EPB42: variants seen among roughly 807,000 people sequenced by gnomAD.
EPB42 encodes the protein erythrocyte membrane protein band 4.2, also known as protein 4.2.
A neutral mutation model predicts 76.9 loss-of-function variants in EPB42; 49 were observed. The observed-to-expected ratio is 0.64, with a 90% CI of 0.51 to 0.81. The LOEUF is 0.81. EPB42 is among the 30% of genes least tolerant of loss of function. The probability of loss-of-function intolerance (pLI) is 0.00; values close to 1 mark genes in which losing one functional copy is unlikely to be tolerated. For synonymous variants in EPB42, 310 were observed against 338.4 expected (o/e 0.92, Z 0.92); for missense variants, 731 against 867.6 (o/e 0.84, Z 1.98).
In EPB42 at chr15:43,208,340, G is replaced by A; in HGVS notation, c.972-7C>T. On this transcript the variant is annotated splice_polypyrimidine_tract_variant and splice_region_variant and intron_variant, in intron 7 of 12. Transcript: ENST00000441366. ...TGTGGAAGTCTGGAAGATCCTGAAT[G>A]CAGCAAAGAGAAAAATTCAAGTGGG... is the stretch of plus-strand genomic sequence containing the variant. 6.2e-7 allele frequency: 1 copy of A among 1,613,520 alleles called. No homozygotes were observed. Among genetic ancestry groups the A allele is most frequent in the African/African-American group, 1.3e-5 (1 of 75,046 alleles).
chr15:43,202,964 C>T (rs1393996041), intron 11 of EPB42, 151 bp downstream of exon 11: 5 of 1,004,242 alleles, frequency 5.0e-6, no homozygotes, highest in Non-Finnish European at 6.2e-6. Context: ...ATGTAAGAAA[C>T]TATGTCTTTC....
chr15:43,207,839 G>A (rs1026859649), intron 8 of EPB42, among the ~76,000 whole-genome samples: 1 of 152,120 alleles, frequency 6.6e-6, no homozygotes, highest in Admixed American at 6.6e-5. Context: ...TCTTTTTGTG[G>A]GTCCTGAAGC....
At chr15:43,202,492 C>T (rs2042141230) in intron 11 of EPB42, among the ~76,000 whole-genome samples, 1 of 152,236 alleles carries the variant, frequency 6.6e-6, no homozygotes, top group African/African-American at 2.4e-5. Flanking sequence ...AAGGTCATCC[C>T]CAAACCCACC....
At chr15:43,212,509 T>C (rs1308690696) in intron 3 of EPB42, among the ~76,000 whole-genome samples, 1 of 152,130 alleles carries the variant, frequency 6.6e-6, no homozygotes, top group African/African-American at 2.4e-5. Context: ...CAAATTCAAT[T>C]TGTGACCAAA....
At chr15:43,221,120 C>G, upstream of EPB42, 11 of 419,678 alleles carry the variant, frequency 2.6e-5, no homozygotes, top group East Asian at 1.1e-4. Flanking sequence ...CCTGGCAGCC[C>G]TGGGGGAGGG....
Position 43,206,411 on chromosome 15 carries a change from C to T in EPB42, c.1537G>A (p.Val513Ile), listed in dbSNP as rs2042205394. The change falls in exon 10 of 13, where the codon GTC becomes ATC. Residue 513 changes from valine (V) to isoleucine (I), a missense_variant. Coordinates refer to ENST00000441366, the MANE Select transcript of EPB42 (RefSeq NM_001114134.2). This position sits in a 1 kb window ranked among gnomAD's most constrained non-coding sequence, Gnocchi z 4.7. ...ACACCGTTGTAGTGTACAGCCTGGA[C>T]CCCAATTGCCAGCTGCACTGCCTTC... ...QEKAVQLAIG[V>I]QAVHYNGVLA... The T allele has an allele frequency of 1.2e-6, 2 of 1,614,172 alleles. No individual in the cohort carries two copies. Among genetic ancestry groups the T allele is most frequent in the Non-Finnish European group, 8.5e-7 (1 of 1,180,030 alleles).
In EPB42 at chr15:43,206,556, G is replaced by A; in HGVS notation, c.1392C>T (p.Ile464=). The change falls in exon 10 of 13, where the codon ATC becomes ATT. Residue 464 remains isoleucine (I), a synonymous_variant. Transcript: ENST00000441366. This position sits in a 1 kb window ranked among gnomAD's most constrained non-coding sequence, Gnocchi z 4.7. ...EKMEREKDNG[I]RPPSLETASP... ...TGGCAGTCTCGAGACTGGGAGGACG[G>A]ATGCCGTTGTCTTTCTCACGTTCCA... 1 of 1,614,216 alleles carries A rather than the reference G, an allele frequency of 6.2e-7. No homozygotes were observed. Among genetic ancestry groups the A allele is most frequent in the Non-Finnish European group, 8.5e-7 (1 of 1,180,032 alleles).
chr15:43,222,808 G>A (rs2042474051), upstream of EPB42, among the ~76,000 whole-genome samples: 1 of 152,234 alleles, frequency 6.6e-6, no homozygotes, highest in Admixed American at 6.5e-5. Flanking sequence ...TCAAAATACA[G>A]TTGGCTTCCT....
Position 43,206,730 on chromosome 15 carries a change from T to A in EPB42, c.1319-101A>T. 7.0e-7 allele frequency: 1 copy of A among 1,424,704 alleles called. No individual in the cohort carries two copies. Among genetic ancestry groups the A allele is most frequent in the African/African-American group, 1.4e-5 (1 of 71,356 alleles). The allele number at this position is 1,424,704 out of a possible 1,614,324, so 88.3% of individuals were successfully genotyped here. ...AACCATTTACCCACTTCTGCTCAAA[T>A]GCCAAAGTCACAAGAACTCAGCAAG... On this transcript the variant is annotated intron_variant, in intron 9 of 12. Coordinates refer to ENST00000441366, the MANE Select transcript of EPB42 (RefSeq NM_001114134.2). This position sits in a 1 kb window ranked among gnomAD's most constrained non-coding sequence, Gnocchi z 4.7.
At chr15:43,215,541 C>T (rs2042365505) in intron 2 of EPB42, among the ~76,000 whole-genome samples, 1 of 152,146 alleles carries the variant, frequency 6.6e-6, no homozygotes, top group Admixed American at 6.6e-5. Context: ...ATAAAATGGG[C>T]ATTGTAATAG....
upstream of EPB42, among the ~76,000 whole-genome samples, chr15:43,221,790 C>T (rs1344521908): frequency 1.5e-5 from 2 of 131,264 alleles, no homozygotes; most frequent in African/African-American, 3.0e-5. Context: ...AAACTTTGAA[C>T]TTTTGAACTC....
At chr15:43,202,649 C>A (rs1044145335) in intron 11 of EPB42, among the ~76,000 whole-genome samples, 1 of 152,166 alleles carries the variant, frequency 6.6e-6, no homozygotes, top group African/African-American at 2.4e-5. Flanking sequence ...TCATTTTGGC[C>A]AGGGTAGACA....
At chr15:43,215,049 G>T in intron 3 of EPB42, 46 bp downstream of exon 3, 3 of 1,538,086 alleles carry the variant, frequency 2.0e-6, no homozygotes, top group Non-Finnish European at 2.7e-6. Flanking sequence ...CAGCTCCAGT[G>T]TCTGGAGTCT....
chr15:43,205,864 G>C (rs1211042391), intron 10 of EPB42: 2 of 156,604 alleles, frequency 1.3e-5, no homozygotes, highest in East Asian at 3.8e-4. Context: ...ACAATACCTG[G>C]ACCCCATCTC....
upstream of EPB42, among the ~76,000 whole-genome samples, chr15:43,223,109 A>T (rs1030450063): frequency 6.6e-6 from 1 of 152,194 alleles, no homozygotes; most frequent in African/African-American, 2.4e-5. Flanking sequence ...CGAGGTCAGG[A>T]GTTTGAGACC....
At chr15:43,200,266 C>T (rs1382725810) in intron 12 of EPB42, among the ~76,000 whole-genome samples, 1 of 152,126 alleles carries the variant, frequency 6.6e-6, no homozygotes, top group Non-Finnish European at 1.5e-5. Context: ...GATTTCTTGG[C>T]AAGAATGTCT....
At chr15:43,207,732 C>T (rs1361105180) in intron 8 of EPB42, among the ~76,000 whole-genome samples, 1 of 152,250 alleles carries the variant, frequency 6.6e-6, no homozygotes, top group East Asian at 1.9e-4. Context: ...CTCAAGCCAG[C>T]TTTACTATGG....
At chr15:43,208,876 T>G (rs1021251440) in intron 6 of EPB42, 101 bp from the exon 7 acceptor site, 1 of 1,408,850 alleles carries the variant, frequency 7.1e-7, no homozygotes, top group Non-Finnish European at 9.7e-7. Flanking sequence ...CACTGAAAAC[T>G]TGGAAAGAAG....
intron 3 of EPB42, among the ~76,000 whole-genome samples, 199 bp downstream of exon 3, chr15:43,214,896 G>C (rs142930632): frequency 6.6e-6 from 1 of 152,322 alleles, no homozygotes; most frequent in African/African-American, 2.4e-5. Context: ...GCTTCTCCCA[G>C]GGGTGACACC....
Sources: allele counts gnomAD v4.1 joint callset (sites outside exome capture counted in the v4.1 genomes callset), GRCh38; gene constraint gnomAD v4.1.1; non-coding constraint Gnocchi (gnomAD v3.1); transcripts MANE v1.5; gene names NCBI Gene and HGNC (gene_info 2026-07-23, HGNC 2026-07-21).